ITGBL1: variants seen among roughly 807,000 people sequenced by gnomAD.
ITGBL1 encodes integrin subunit beta like 1, also known as integrin beta-like protein 1.
A neutral mutation model predicts 68.5 loss-of-function variants in ITGBL1; 51 were observed. The observed-to-expected ratio is 0.74, with a 90% CI of 0.59 to 0.94. ITGBL1 has a LOEUF of 0.94. Among genes scored for constraint, ITGBL1 ranks in the 40% least tolerant of loss-of-function variants. The pLI is 0.00. For missense variants in ITGBL1, 649 were observed against 647.4 expected (o/e 1.00, Z -0.03); for synonymous variants, 209 against 227.3 (o/e 0.92, Z 0.72).
At chr13:101,699,700 G>C (rs993091490) in intron 8 of ITGBL1, among the ~76,000 whole-genome samples, 4 of 152,114 alleles carry the variant, frequency 2.6e-5, no homozygotes, top group Non-Finnish European at 5.9e-5. Flanking sequence ...ACCGAGTCTT[G>C]GGCAGTTCTT....
chr13:101,674,226 G>A (rs1231050422), intron 7 of ITGBL1, among the ~76,000 whole-genome samples: 2 of 152,308 alleles, frequency 1.3e-5, no homozygotes, highest in East Asian at 3.9e-4. Flanking sequence ...GAGGATATCT[G>A]CTTGTCTAAC....
At chr13:101,503,000 C>T (rs985070430) in intron 2 of ITGBL1, among the ~76,000 whole-genome samples, 3 of 152,182 alleles carry the variant, frequency 2.0e-5, no homozygotes, top group African/African-American at 7.2e-5. Flanking sequence ...CTCTTGGGAA[C>T]TTATTTTATG....
At chr13:101,534,350 T>C (rs767344061) in intron 2 of ITGBL1, among the ~76,000 whole-genome samples, 21 of 152,198 alleles carry the variant, frequency 1.4e-4, no homozygotes, top group Admixed American at 2.6e-4. Context: ...ATGTTTGCTT[T>C]TGTTTTTTAG....
At chr13:101,643,445 C>A (rs556007794) in intron 7 of ITGBL1, among the ~76,000 whole-genome samples, 5 of 152,174 alleles carry the variant, frequency 3.3e-5, no homozygotes, top group African/African-American at 1.2e-4. Flanking sequence ...AGTTGCCTAT[C>A]AGCTTAAGGA....
At position 101,452,681 on chromosome 13, in the gene ITGBL1, A is replaced by G. The variant is rs770848286; in HGVS notation, c.-153A>G. 5.9e-5 allele frequency: 38 copies of G among 642,078 alleles called. No homozygotes were observed. Among genetic ancestry groups the G allele is most frequent in the African/African-American group, 1.1e-4 (6 of 55,214 alleles). The allele number at this position is 642,078 out of a possible 1,614,324, so 39.8% of individuals were successfully genotyped here. On this transcript the variant is annotated 5_prime_UTR_variant, in exon 1 of 11. Transcript: ENST00000376180. Reference sequence around the variant, plus strand: ...GCAGGCAGCTCATCAACGCAATTGCAACTCCGGCTGGAGCCCCGGACCTGC... The same window carrying G: ...GCAGGCAGCTCATCAACGCAATTGCGACTCCGGCTGGAGCCCCGGACCTGC...
At chr13:101,697,513 A>T (rs1566795449) in intron 8 of ITGBL1, among the ~76,000 whole-genome samples, 1 of 152,174 alleles carries the variant, frequency 6.6e-6, no homozygotes, top group Admixed American at 6.6e-5. Context: ...AGAAGAAGTA[A>T]CCATTTTCTT....
At chr13:101,580,398 A>G (rs1271451264) in intron 5 of ITGBL1, among the ~76,000 whole-genome samples, 4 of 151,752 alleles carry the variant, frequency 2.6e-5, no homozygotes, top group Non-Finnish European at 5.9e-5. Flanking sequence ...TGGGGACTAA[A>G]TCTTACTATA....
intron 9 of ITGBL1, among the ~76,000 whole-genome samples, chr13:101,709,472 C>T (rs1002882523): frequency 1.1e-4 from 16 of 148,558 alleles, no homozygotes; most frequent in Middle Eastern, 3.8e-3. Flanking sequence ...GAGATGTTAT[C>T]AGAGGGGAAT....
rs183766048 is a variant in ITGBL1, at chr13:101,461,164, T to C, written c.316+7064T>C. Among the ~76,000 whole-genome samples the C allele has an allele frequency of 3.3e-5, 5 of 152,254 alleles. No individual in the cohort carries two copies. The East Asian group carries it at 7.7e-4, about 23-fold the overall frequency. ...CCCAGAATGAGAAAGGAAAGGAACA[T>C]ATGGAAACAAATTTATTTGTATTAC... On this transcript the variant is annotated intron_variant, in intron 2 of 10. Coordinates refer to ENST00000376180, the MANE Select transcript of ITGBL1 (RefSeq NM_004791.3).
At chr13:101,633,801 A>G (rs9582511) in intron 7 of ITGBL1, among the ~76,000 whole-genome samples, 101 of 152,326 alleles carry the variant, frequency 6.6e-4, no homozygotes, top group African/African-American at 2.4e-3. Flanking sequence ...AATAGTCTAT[A>G]TCTCATACCT....
intron 3 of ITGBL1, among the ~76,000 whole-genome samples, chr13:101,570,270 C>T (rs2050251425): frequency 6.6e-6 from 1 of 152,070 alleles, no homozygotes; most frequent in Non-Finnish European, 1.5e-5. Flanking sequence ...GCCCATCAGG[C>T]TAGCTTTTGT....
chr13:101,480,539 C>T (rs2048603806), intron 2 of ITGBL1, among the ~76,000 whole-genome samples: 1 of 151,318 alleles, frequency 6.6e-6, no homozygotes, highest in African/African-American at 2.4e-5. Context: ...ATGTTTGTAA[C>T]ACAAATAAAT....
downstream of ITGBL1, chr13:101,719,533 CAAGTA>C (rs771376584): frequency 6.6e-6 from 1 of 151,940 alleles, no homozygotes; most frequent in Non-Finnish European, 1.5e-5. Context: ...CTAATTTTTC[CAAGTA>C]AAGTGGTAGC....
intron 9 of ITGBL1, chr13:101,711,285 A>T (rs2034454835): frequency 6.6e-6 from 1 of 152,246 alleles, no homozygotes; most frequent in Non-Finnish European, 1.5e-5. Flanking sequence ...ATGGCTGTAA[A>T]CACATGTCAT....
chr13:101,564,533 C>T (rs529441433), intron 2 of ITGBL1, among the ~76,000 whole-genome samples: 5 of 149,662 alleles, frequency 3.3e-5, no homozygotes, highest in South Asian at 2.1e-4. Context: ...CATATATATC[C>T]GTACATATAT....
chr13:101,702,030 A>G (rs2034148173), intron 8 of ITGBL1, among the ~76,000 whole-genome samples: 1 of 152,220 alleles, frequency 6.6e-6, no homozygotes, highest in Non-Finnish European at 1.5e-5. Flanking sequence ...AAAATATTGT[A>G]GAAAAAAGTA....
chr13:101,585,591 C>T (rs527568974), intron 6 of ITGBL1, among the ~76,000 whole-genome samples: 45 of 152,112 alleles, frequency 3.0e-4, no homozygotes, highest in African/African-American at 7.2e-4. Context: ...CCACCACGCC[C>T]GGCTTATTTT....
chr13:101,663,906 G>A (rs1229857893), intron 7 of ITGBL1, among the ~76,000 whole-genome samples: 2 of 152,150 alleles, frequency 1.3e-5, no homozygotes, highest in South Asian at 2.1e-4. Flanking sequence ...TGGCCTAAGG[G>A]AAAGAGAGAG....
chr13:101,687,130 G>C (rs1430010689), intron 7 of ITGBL1, among the ~76,000 whole-genome samples: 2 of 151,924 alleles, frequency 1.3e-5, no homozygotes, highest in East Asian at 3.8e-4. Context: ...CACATTTTTT[G>C]GTAGTCAATA....
Sources: allele counts gnomAD v4.1 joint callset (sites outside exome capture counted in the v4.1 genomes callset), GRCh38; gene constraint gnomAD v4.1.1; transcripts MANE v1.5; gene names NCBI Gene and HGNC (gene_info 2026-07-23, HGNC 2026-07-21).